SORCS3: variants seen among roughly 807,000 people sequenced by gnomAD.
The protein encoded by SORCS3 is sortilin related VPS10 domain containing receptor 3.
A neutral mutation model predicts 146.3 loss-of-function variants in SORCS3; 57 were observed. The observed-to-expected ratio is 0.39, with a 90% CI of 0.31 to 0.49. SORCS3 has a LOEUF of 0.49. Ranked by LOEUF, SORCS3 falls within the 20% of genes least tolerant of loss-of-function variation. SORCS3 has a pLI of 0.92. For missense variants in SORCS3, 1,341 were observed against 1,575.5 expected (o/e 0.85, Z 2.52); for synonymous variants, 653 against 618.5 (o/e 1.06, Z -0.83).
At chr10:105,219,235 A>C (rs529369273) in intron 19 of SORCS3, among the ~76,000 whole-genome samples, 1 of 152,224 alleles carries the variant, frequency 6.6e-6, no homozygotes, top group South Asian at 2.1e-4. Flanking sequence ...GAAAAGGCTC[A>C]GGGGGCAAAG....
At chr10:104,722,093 A>G (rs1478144110) in intron 1 of SORCS3, among the ~76,000 whole-genome samples, 3 of 152,230 alleles carry the variant, frequency 2.0e-5, no homozygotes, top group African/African-American at 7.2e-5. Flanking sequence ...TTGCCCATTC[A>G]GTATGATATT....
intron 7 of SORCS3, among the ~76,000 whole-genome samples, chr10:105,126,602 T>A (rs2133769127): frequency 6.6e-6 from 1 of 152,302 alleles, no homozygotes; most frequent in African/African-American, 2.4e-5. Context: ...TGTGTATGAA[T>A]GTCACATTGT....
intron 4 of SORCS3, among the ~76,000 whole-genome samples, chr10:104,979,004 T>A (rs1355772907): frequency 1.3e-5 from 2 of 152,178 alleles, no homozygotes; most frequent in Admixed American, 1.3e-4. Context: ...AATTCTCTTC[T>A]TTAATGTAAG....
In SORCS3 at chr10:104,726,502, C is replaced by A. The variant is rs141043631; in HGVS notation, c.627+84548C>A. On this transcript the variant is annotated intron_variant, in intron 1 of 26. Transcript: ENST00000369701. ...GAGAGTGGGGAAGTCTGACCTAAAC[C>A]CCAGGACCAACCCAAGCTTCTCATG... is the stretch of plus-strand genomic sequence containing the variant. Among the ~76,000 whole-genome samples, 790 of 152,156 alleles carry A rather than the reference C, an allele frequency of 5.2e-3. 5 individuals are homozygous for A. The highest frequency in any genetic ancestry group is 0.018 in the African/African-American group (733 of 41,514).
chr10:104,982,586 A>G (rs1373816785), intron 4 of SORCS3, among the ~76,000 whole-genome samples: 1 of 152,198 alleles, frequency 6.6e-6, no homozygotes, highest in Non-Finnish European at 1.5e-5. Flanking sequence ...TTGCATTTTT[A>G]TTAGGTCCTT....
chr10:104,696,086 C>CATATT (rs201730327), intron 1 of SORCS3, among the ~76,000 whole-genome samples: 970 of 17,142 alleles, frequency 0.057, 19 homozygotes, highest in Non-Finnish European at 0.084. Context: ...ATCATATACA[C>CATATT]ATATATAATA....
intron 1 of SORCS3, among the ~76,000 whole-genome samples, chr10:104,690,316 C>T (rs192551604): frequency 5.3e-5 from 8 of 152,300 alleles, no homozygotes; most frequent in Admixed American, 3.3e-4. Context: ...ATTCTGCTGC[C>T]GTGCTCCTCT....
chr10:104,833,189 C>T (rs2018020946), intron 1 of SORCS3, among the ~76,000 whole-genome samples: 2 of 152,158 alleles, frequency 1.3e-5, no homozygotes, highest in African/African-American at 4.8e-5. Flanking sequence ...GTGACTAGCG[C>T]AATCTGAAAT....
intron 7 of SORCS3, among the ~76,000 whole-genome samples, chr10:105,121,082 A>C (rs1185303185): frequency 6.6e-6 from 1 of 152,160 alleles, no homozygotes; most frequent in African/African-American, 2.4e-5. Flanking sequence ...TCATCAGCTC[A>C]AAGGAGTGAG....
chr10:104,665,022 C>G (rs2015753759), intron 1 of SORCS3: 1 of 152,860 alleles, frequency 6.5e-6, no homozygotes, highest in South Asian at 2.1e-4. Context: ...TGTTTGAGGA[C>G]TGGAGAGTGG....
chr10:105,103,706 G>A (rs925938144), intron 6 of SORCS3, among the ~76,000 whole-genome samples: 2 of 152,142 alleles, frequency 1.3e-5, no homozygotes, highest in African/African-American at 2.4e-5. Context: ...TTGATGGGGC[G>A]AATGGAATCA....
intron 1 of SORCS3, among the ~76,000 whole-genome samples, chr10:104,795,810 C>T (rs548272848): frequency 6.6e-6 from 1 of 152,220 alleles, no homozygotes; most frequent in African/African-American, 2.4e-5. Flanking sequence ...AGGGAGCTAT[C>T]CTGGTGCTGG....
At chr10:104,724,933 A>C (rs1284650822) in intron 1 of SORCS3, among the ~76,000 whole-genome samples, 1 of 152,100 alleles carries the variant, frequency 6.6e-6, no homozygotes, top group Non-Finnish European at 1.5e-5. Flanking sequence ...TTCCTCCTTT[A>C]GCTCGGAGTA....
At chr10:104,863,766 G>A (rs2018431141) in intron 2 of SORCS3, among the ~76,000 whole-genome samples, 1 of 152,194 alleles carries the variant, frequency 6.6e-6, no homozygotes, top group Non-Finnish European at 1.5e-5. Context: ...CTTTGCAGTG[G>A]TGGTGTTTTC....
intron 1 of SORCS3, among the ~76,000 whole-genome samples, chr10:104,691,294 G>A (rs986767535): frequency 3.3e-5 from 5 of 152,112 alleles, no homozygotes; most frequent in Non-Finnish European, 4.4e-5. Context: ...GAGGGTGGGA[G>A]GAAAATGAAA....
chr10:105,248,128 GT>G (rs2056878178), intron 22 of SORCS3, among the ~76,000 whole-genome samples: 1 of 152,166 alleles, frequency 6.6e-6, no homozygotes, highest in Non-Finnish European at 1.5e-5. Flanking sequence ...AAGTAAAAGG[GT>G]TTTGTTAAAC....
intron 3 of SORCS3, among the ~76,000 whole-genome samples, chr10:104,949,538 C>T (rs962153338): frequency 1.4e-4 from 21 of 152,170 alleles, no homozygotes; most frequent in African/African-American, 5.1e-4. Flanking sequence ...ATTTCATGCC[C>T]TCTTTGGAAC....
intron 1 of SORCS3, among the ~76,000 whole-genome samples, chr10:104,652,732 G>T (rs376624468): frequency 6.6e-6 from 1 of 152,140 alleles, no homozygotes; most frequent in African/African-American, 2.4e-5. Context: ...TAATTTGGAT[G>T]TTTTAACAAA....
chr10:104,984,605 A>G (rs2054951348), intron 4 of SORCS3, among the ~76,000 whole-genome samples: 1 of 152,204 alleles, frequency 6.6e-6, no homozygotes, highest in African/African-American at 2.4e-5. Context: ...AAATTATGGT[A>G]TATACATTTA....
Sources: gnomAD v4.1 joint callset for allele counts (sites outside exome capture counted in the v4.1 genomes callset) on GRCh38, gnomAD v4.1.1 for gene constraint, MANE v1.5 for transcripts, NCBI Gene and HGNC (gene_info 2026-07-23, HGNC 2026-07-21) for gene names.